Variants in PRKN observed in about 807,000 individuals in gnomAD.
The protein encoded by PRKN is E3 ubiquitin-protein ligase parkin.
A neutral mutation model predicts 59.5 loss-of-function variants in PRKN; 56 were observed. The observed-to-expected ratio is 0.94, with a 90% CI of 0.76 to 1.18. The LOEUF is 1.18. Among genes scored for constraint, PRKN ranks in the 50% most tolerant of loss-of-function variants. The pLI is 0.00. For missense variants in PRKN, 657 were observed against 596.4 expected (o/e 1.10, Z -1.06); for synonymous variants, 250 against 222.1 (o/e 1.13, Z -1.12).
intron 7 of PRKN, among the ~76,000 whole-genome samples, chr6:161,749,314 T>C (rs530694459): frequency 5.4e-4 from 82 of 152,286 alleles, no homozygotes; most frequent in African/African-American, 1.9e-3. Flanking sequence ...TATATATACA[T>C]GCATGCATAT....
chr6:162,112,679 T>TCTAAGACAGGAGGATCACTTGAG (rs1392931974), intron 4 of PRKN, among the ~76,000 whole-genome samples: 1 of 151,388 alleles, frequency 6.6e-6, no homozygotes, highest in Non-Finnish European at 1.5e-5. Flanking sequence ...ACTTTGGGAG[T>TCTAAGACAGGAGGATCACTTGAG]CTAAGACAGG....
At chr6:162,622,980 C>T (rs1782736872) in intron 1 of PRKN, among the ~76,000 whole-genome samples, 1 of 152,116 alleles carries the variant, frequency 6.6e-6, no homozygotes, top group Admixed American at 6.5e-5. Flanking sequence ...AGAAACAAAA[C>T]AAAACAGAAA....
chr6:161,871,798 T>C (rs369392357), intron 6 of PRKN, among the ~76,000 whole-genome samples: 8 of 152,146 alleles, frequency 5.3e-5, no homozygotes, highest in African/African-American at 1.7e-4. Context: ...TCAGCTGGTG[T>C]AGTCTGTGTT....
chr6:162,252,379 T>A (rs1452558594), intron 3 of PRKN, among the ~76,000 whole-genome samples: 1 of 152,232 alleles, frequency 6.6e-6, no homozygotes, highest in Non-Finnish European at 1.5e-5. Context: ...TAGTGTTGAC[T>A]GCAATGGTTA....
intron 1 of PRKN, among the ~76,000 whole-genome samples, chr6:162,700,536 G>C (rs979994238): frequency 1.3e-5 from 2 of 152,132 alleles, no homozygotes; most frequent in Admixed American, 1.3e-4. Context: ...TAGCTCCCAA[G>C]ACTGCAAAAT....
At chr6:162,359,079 A>AATATATATATATATATATATAT (rs1554304695) in intron 2 of PRKN, among the ~76,000 whole-genome samples, 50 of 83,228 alleles carry the variant, frequency 6.0e-4, no homozygotes, top group African/African-American at 3.2e-3. Context: ...AAAAAAAAAA[A>AATATATATATATATATATATAT]ATATATATAT....
At chr6:162,400,568 G>GA (rs1261315260) in intron 2 of PRKN, among the ~76,000 whole-genome samples, 1 of 150,920 alleles carries the variant, frequency 6.6e-6, no homozygotes, top group Non-Finnish European at 1.5e-5. Flanking sequence ...AAATTTTTTG[G>GA]AAAAAACCGA....
chr6:162,091,112 C>CT (rs10554768), intron 4 of PRKN, among the ~76,000 whole-genome samples: 52 of 148,282 alleles, frequency 3.5e-4, no homozygotes, highest in East Asian at 5.9e-4. Flanking sequence ...TCTTGCTATC[C>CT]TTTTTTTTTT....
chr6:161,517,739 CAAAAAAAAAAAAA>C (rs3032892), intron 9 of PRKN, among the ~76,000 whole-genome samples: 23 of 48,390 alleles, frequency 4.8e-4, no homozygotes, highest in African/African-American at 1.9e-3. Flanking sequence ...GACTCTATCT[CAAAAAAAAAAAAA>C]AAAAAAAAAA....
At chr6:162,237,037 G>A (rs999848275) in intron 3 of PRKN, among the ~76,000 whole-genome samples, 8 of 152,038 alleles carry the variant, frequency 5.3e-5, no homozygotes, top group African/African-American at 1.9e-4. Flanking sequence ...CCCACTATTC[G>A]AATAGCCCAT....
In PRKN at chr6:162,283,418, C is replaced by G. The variant is rs113109761; in HGVS notation, c.172-20653G>C. On this transcript the variant is annotated intron_variant, in intron 2 of 11. Coordinates refer to ENST00000366898, the MANE Select transcript of PRKN (RefSeq NM_004562.3). ...TGCATGGTTTTATGTCTTTAGAATTCTTTGTGAGTGCTCCAGTAAATCTGG... is the reference window on the plus strand; with the variant it reads ...TGCATGGTTTTATGTCTTTAGAATTGTTTGTGAGTGCTCCAGTAAATCTGG... Among the ~76,000 whole-genome samples the G allele has an allele frequency of 4.2e-3, 634 of 152,180 alleles. 13 individuals are homozygous for G. The highest frequency in any genetic ancestry group is 0.015 in the African/African-American group (607 of 41,530).
chr6:162,352,994 T>A (rs1467320416), intron 2 of PRKN, among the ~76,000 whole-genome samples: 1 of 152,146 alleles, frequency 6.6e-6, no homozygotes, highest in Admixed American at 6.6e-5. Flanking sequence ...GAAATAGAAC[T>A]TTCCTATAAT....
rs1785829083 is a variant in PRKN, at chr6:161,378,583, C to A, written c.1167+8211G>T. Among the ~76,000 whole-genome samples, 1 of 152,196 alleles carries A rather than the reference C, an allele frequency of 6.6e-6. No individual in the cohort carries two copies. Among genetic ancestry groups the A allele is most frequent in the African/African-American group, 2.4e-5 (1 of 41,448 alleles). On this transcript the variant is annotated intron_variant, in intron 10 of 11. Transcript: ENST00000366898. This position sits in a 1 kb window ranked among gnomAD's most constrained non-coding sequence, Gnocchi z 7.3. ...TTCTTGGCAACAGAGCCTCAGCCAG[C>A]ACTAGCATCTGCAGGCTGCCGGCAC...
chr6:162,141,750 G>A (rs1413101727), intron 4 of PRKN, among the ~76,000 whole-genome samples: 1 of 152,170 alleles, frequency 6.6e-6, no homozygotes, highest in Non-Finnish European at 1.5e-5. Context: ...AGTAGGGGGA[G>A]CAAAAGAAGC....
chr6:162,005,126 G>A (rs1238436076), intron 5 of PRKN, among the ~76,000 whole-genome samples: 3 of 152,134 alleles, frequency 2.0e-5, no homozygotes, highest in Non-Finnish European at 4.4e-5. Flanking sequence ...TCGAGCTAAC[G>A]TTTAATATTA....
chr6:161,392,771 T>TTA (rs2114959547), intron 9 of PRKN, among the ~76,000 whole-genome samples: 1 of 148,988 alleles, frequency 6.7e-6, no homozygotes, highest in Admixed American at 6.7e-5. Context: ...AGGTATAGAA[T>TTA]AAAAAAAAAA....
intron 7 of PRKN, among the ~76,000 whole-genome samples, chr6:161,658,107 C>A (rs762014888): frequency 3.3e-5 from 5 of 151,636 alleles, no homozygotes; most frequent in Admixed American, 1.3e-4. Flanking sequence ...CAAATTTCAG[C>A]CACATTGTAG....
In PRKN at chr6:161,440,175, C is replaced by T. The variant is rs1789140507; in HGVS notation, c.1084-53298G>A. The stretch of plus-strand genomic sequence containing the variant: ...TCACCGTGTTAGCCAGGATGCTCTC[C>T]ATCTCCTGACCTCGTGATCCGCCCG... On this transcript the variant is annotated intron_variant, in intron 9 of 11. Coordinates refer to ENST00000366898, the MANE Select transcript of PRKN (RefSeq NM_004562.3). This position sits in a 1 kb window ranked among gnomAD's most constrained non-coding sequence, Gnocchi z 4.1. Among the ~76,000 whole-genome samples the T allele has an allele frequency of 6.6e-6, 1 of 151,868 alleles. No homozygotes were observed. Among genetic ancestry groups the T allele is most frequent in the African/African-American group, 2.4e-5 (1 of 41,362 alleles).
chr6:162,329,446 C>A (rs1783474793), intron 2 of PRKN, among the ~76,000 whole-genome samples: 1 of 152,228 alleles, frequency 6.6e-6, no homozygotes, highest in South Asian at 2.1e-4. Flanking sequence ...TGTTTAACAA[C>A]CGTTGCAGCA....
Sources: gnomAD v4.1 joint callset for allele counts (sites outside exome capture counted in the v4.1 genomes callset) on GRCh38, gnomAD v4.1.1 for gene constraint, Gnocchi (gnomAD v3.1) non-coding constraint, MANE v1.5 for transcripts, NCBI Gene and HGNC (gene_info 2026-07-23, HGNC 2026-07-21) for gene names.